The following ANTXR1 variants were observed in gnomAD, a reference collection of about 807,000 sequenced individuals.
ANTXR1 encodes the protein ANTXR cell adhesion molecule 1.
A neutral mutation model predicts 78.1 loss-of-function variants in ANTXR1; 19 were observed. The ratio of observed to expected loss-of-function variants is 0.24; its 90% CI spans 0.17 to 0.36. The LOEUF (loss-of-function observed/expected upper bound fraction) is 0.36. Among genes scored for constraint, ANTXR1 ranks in the 10% least tolerant of loss-of-function variants. ANTXR1 has a pLI of 1.00. For synonymous variants in ANTXR1, 273 were observed against 260.5 expected, an observed-to-expected ratio of 1.05 and a Z score of -0.46; for missense variants, 518 against 718.6, an observed-to-expected ratio of 0.72 and a Z score of 3.19.
At chr2:69,191,306 T>C (rs1444888627) in intron 16 of ANTXR1, among the ~76,000 whole-genome samples, 1 of 152,160 alleles carries the variant, frequency 6.6e-6, no homozygotes, top group Non-Finnish European at 1.5e-5. Flanking sequence ...TTTATAAAGA[T>C]TAAAGAACAC....
chr2:69,103,298 GTGGGAGTGCTGGTGA>G (rs1202521241), intron 10 of ANTXR1: 1 of 366,296 alleles, frequency 2.7e-6, no homozygotes, highest in African/African-American at 2.1e-5. Flanking sequence ...TCACTCTCAG[GTGGGAGTGCTGGTGA>G]TGGTTAATTA....
chr2:69,162,784 C>A (rs1430250479), intron 13 of ANTXR1, among the ~76,000 whole-genome samples: 1 of 152,138 alleles, frequency 6.6e-6, no homozygotes, highest in Non-Finnish European at 1.5e-5. Flanking sequence ...ATCACCATTT[C>A]TCCTGTAACA....
Position 69,123,151 on chromosome 2 carries a change from G to A in ANTXR1, c.872+65G>A, listed in dbSNP as rs1199869136. The A allele has an allele frequency of 5.2e-6, 8 of 1,538,098 alleles. No individual in the cohort carries two copies. The East Asian group carries it at 1.1e-4, about 22-fold the overall frequency. On this transcript the variant is annotated intron_variant, in intron 11 of 17. Coordinates refer to ENST00000303714, the MANE Select transcript of ANTXR1 (RefSeq NM_032208.3). ...GAGAGAGAGGAGGTGTACGGGGACAGGGGAAAAGAAAGCATCTAGAGAAAG... is the reference window on the plus strand; with the variant it reads ...GAGAGAGAGGAGGTGTACGGGGACAAGGGAAAAGAAAGCATCTAGAGAAAG...
intron 13 of ANTXR1, 129 bp downstream of exon 13, chr2:69,152,393 A>G: frequency 3.2e-6 from 3 of 936,852 alleles, no homozygotes; most frequent in Non-Finnish European, 5.1e-6. Flanking sequence ...TATACAATTT[A>G]TACAAAATTG....
chr2:69,045,407 GT>G (rs1669734374), intron 3 of ANTXR1, among the ~76,000 whole-genome samples: 1 of 152,172 alleles, frequency 6.6e-6, no homozygotes, highest in South Asian at 2.1e-4. Flanking sequence ...CAATAACAGA[GT>G]CATGTCATTT....
Position 69,130,129 on chromosome 2 carries a change from TG to T in ANTXR1, c.951+5487del, listed in dbSNP as rs566480176. Among the ~76,000 whole-genome samples the T allele has an allele frequency of 5.3e-3, 803 of 152,304 alleles. 3 individuals are homozygous for T. The highest frequency in any genetic ancestry group is 9.4e-3 in the Non-Finnish European group (640 of 68,014). ...TTGTAGGATGTACGCTCTACACCCT[TG>T]ATCTTGAACACCCAAGATGTGGCAG... is the stretch of plus-strand genomic sequence containing the variant. On this transcript the variant is annotated intron_variant, in intron 12 of 17. Coordinates refer to ENST00000303714, the MANE Select transcript of ANTXR1 (RefSeq NM_032208.3).
intron 1 of ANTXR1, among the ~76,000 whole-genome samples, chr2:69,031,002 AC>A (rs1671515969): frequency 6.6e-6 from 1 of 152,214 alleles, no homozygotes; most frequent in Non-Finnish European, 1.5e-5. Flanking sequence ...TTATTGTAGT[AC>A]GGCCACATTC....
rs111919558 is a variant in ANTXR1, at chr2:69,200,445, G to A, written c.1434+7030G>A. Among the ~76,000 whole-genome samples, 381 of 152,332 alleles carry A rather than the reference G, an allele frequency of 2.5e-3. 3 individuals are homozygous for A. The highest frequency in any genetic ancestry group is 8.6e-3 in the African/African-American group (356 of 41,576). On this transcript the variant is annotated intron_variant, in intron 17 of 17. Coordinates refer to ENST00000303714, the MANE Select transcript of ANTXR1 (RefSeq NM_032208.3). ...AGCCTGGGCAGGTTATCCTCCAGGAGAGAGGTTATCCTCTGCCCAGTCCTT... is the reference window on the plus strand; with the variant it reads ...AGCCTGGGCAGGTTATCCTCCAGGAAAGAGGTTATCCTCTGCCCAGTCCTT...
chr2:69,123,109 ACCTCCCAGCC>A (rs1672407204), intron 11 of ANTXR1, 23 bp downstream of exon 11: 12 of 1,612,470 alleles, frequency 7.4e-6, no homozygotes, highest in African/African-American at 1.3e-5. Flanking sequence ...CAGCAACTGA[ACCTCCCAGCC>A]AGGGAAGAGA....
At chr2:69,099,139 C>A (rs1381250535) in intron 9 of ANTXR1, among the ~76,000 whole-genome samples, 2 of 152,224 alleles carry the variant, frequency 1.3e-5, no homozygotes, top group African/African-American at 2.4e-5. Flanking sequence ...CCAGTCCTGG[C>A]AGCCACCAAT....
rs1022126818 is a variant in ANTXR1 at position 69,182,588 on chromosome 2, C to T, written c.1281C>T (p.Phe427=). 2 of 1,614,170 alleles carry T rather than the reference C, an allele frequency of 1.2e-6. No homozygotes were observed. Among genetic ancestry groups the T allele is most frequent in the Non-Finnish European group, 1.7e-6 (2 of 1,180,046 alleles). The part of the protein sequence containing the change: ...RVKMPEQEYE[F]PEPRNLNNNM... Reference sequence around the variant, plus strand: ...AGATGCCGGAGCAGGAATATGAATTCCCTGAGCCGCGAAATCTCAACAACA... The same window carrying T: ...AGATGCCGGAGCAGGAATATGAATTTCCTGAGCCGCGAAATCTCAACAACA... Residue 427 remains phenylalanine, a synonymous_variant, in exon 16 of 18, where the codon TTC becomes TTT. Transcript: ENST00000303714.
intron 2 of ANTXR1, among the ~76,000 whole-genome samples, chr2:69,044,525 G>C (rs1330685923): frequency 6.6e-6 from 1 of 152,128 alleles, no homozygotes; most frequent in Non-Finnish European, 1.5e-5. Context: ...GTCAGAAGCA[G>C]CCTCAGGAAG....
chr2:69,170,203 G>C, intron 13 of ANTXR1, 45 bp from the exon 14 acceptor site: 1 of 1,611,414 alleles, frequency 6.2e-7, no homozygotes, highest in African/African-American at 1.3e-5. Context: ...TAGGAGGCAG[G>C]TAGCCAGAGA....
chr2:69,050,989 G>A (rs1049840042), intron 3 of ANTXR1, among the ~76,000 whole-genome samples: 5 of 151,558 alleles, frequency 3.3e-5, no homozygotes, highest in Admixed American at 6.6e-5. Context: ...CTGGTTTCTC[G>A]AAATAAAAGA....
chr2:69,243,105 A>AGCAAAGCAAAGCAAAGCAAAGTC (rs1675930330), intron 17 of ANTXR1, among the ~76,000 whole-genome samples: 2 of 152,190 alleles, frequency 1.3e-5, no homozygotes, highest in Non-Finnish European at 2.9e-5. Flanking sequence ...GCAACTCCTA[A>AGCAAAGCAAAGCAAAGCAAAGTC]ACCAATTGCA....
At chr2:69,182,368 C>T (rs2104463150) in intron 15 of ANTXR1, 125 bp from the exon 16 acceptor site, 1 of 1,251,526 alleles carries the variant, frequency 8.0e-7, no homozygotes, top group Non-Finnish European at 1.1e-6. Context: ...CCCTGGCCCT[C>T]AAAACCCAAA....
chr2:69,136,234 A>G (rs1252644669), intron 12 of ANTXR1, among the ~76,000 whole-genome samples: 1 of 152,194 alleles, frequency 6.6e-6, no homozygotes, highest in African/African-American at 2.4e-5. Flanking sequence ...CTTATTTTCC[A>G]CTGCCCACCC....
At chr2:69,182,260 C>T (rs898567647) in intron 15 of ANTXR1, among the ~76,000 whole-genome samples, 9 of 152,144 alleles carry the variant, frequency 5.9e-5, no homozygotes, top group Non-Finnish European at 1.2e-4. Flanking sequence ...GTGCTGTCCC[C>T]GCTGCCTGGA....
chr2:69,164,059 T>C (rs111324720), intron 13 of ANTXR1, among the ~76,000 whole-genome samples: 357 of 152,346 alleles, frequency 2.3e-3, no homozygotes, highest in African/African-American at 8.3e-3. Context: ...CAAAACAGAC[T>C]GTGCGTGTAG....
Sources: gnomAD v4.1 joint callset for allele counts (sites outside exome capture counted in the v4.1 genomes callset) on GRCh38, gnomAD v4.1.1 for gene constraint, MANE v1.5 for transcripts, NCBI Gene and HGNC (gene_info 2026-07-23, HGNC 2026-07-21) for gene names.